GAB2: variants seen among roughly 807,000 people sequenced by gnomAD.
GAB2 encodes GRB2-associated-binding protein 2.
Under a neutral mutation model 65.5 loss-of-function variants are expected in GAB2, and 26 were observed. That is an observed-to-expected ratio of 0.40 (90% confidence interval 0.29 to 0.55). GAB2 has a LOEUF of 0.55. Ranked by LOEUF, GAB2 falls within the 20% of genes least tolerant of loss-of-function variation. GAB2 has a pLI of 0.53. For synonymous variants in GAB2, 321 were observed against 329.6 expected, an observed-to-expected ratio of 0.97 and a Z score of 0.28; for missense variants, 884 against 875.8, an observed-to-expected ratio of 1.01 and a Z score of -0.12.
At chr11:78,225,769 T>G (rs918009852) in intron 4 of GAB2, among the ~76,000 whole-genome samples, 3 of 152,208 alleles carry the variant, frequency 2.0e-5, no homozygotes, top group African/African-American at 7.2e-5. Context: ...TTAACTGTCA[T>G]TGGCCTCATG....
chr11:78,253,856 T>G (rs945162263), intron 2 of GAB2, among the ~76,000 whole-genome samples: 3 of 152,232 alleles, frequency 2.0e-5, no homozygotes, highest in Non-Finnish European at 4.4e-5. Context: ...TAACATTCAC[T>G]GACTCCTTAT....
chr11:78,386,872 T>C (rs1856774585), intron 1 of GAB2, among the ~76,000 whole-genome samples: 1 of 152,218 alleles, frequency 6.6e-6, no homozygotes, highest in Non-Finnish European at 1.5e-5. Context: ...GAAGAGACAA[T>C]GTGATGTCAA....
At chr11:78,375,678 G>A (rs1191736153) in intron 1 of GAB2, among the ~76,000 whole-genome samples, 1 of 152,072 alleles carries the variant, frequency 6.6e-6, no homozygotes, top group Non-Finnish European at 1.5e-5. Context: ...TAGAGAGGCA[G>A]AGAAAAGGCC....
intron 1 of GAB2, among the ~76,000 whole-genome samples, chr11:78,367,274 A>G (rs373008292): frequency 6.2e-4 from 95 of 152,366 alleles, no homozygotes; most frequent in East Asian, 2.3e-3. Flanking sequence ...GCAATGAACA[A>G]AACAGACAAA....
intron 1 of GAB2, among the ~76,000 whole-genome samples, chr11:78,298,584 C>T (rs931529163): frequency 6.6e-6 from 1 of 152,178 alleles, no homozygotes; most frequent in Non-Finnish European, 1.5e-5. Context: ...ACAGAGGACT[C>T]GAAATCCATT....
At chr11:78,310,172 G>A (rs992215218) in intron 1 of GAB2, among the ~76,000 whole-genome samples, 1 of 151,864 alleles carries the variant, frequency 6.6e-6, no homozygotes, top group Non-Finnish European at 1.5e-5. Context: ...GAGGGAGTGA[G>A]GGGTTGGGCA....
chr11:78,323,012 T>C (rs1460803666), intron 1 of GAB2, among the ~76,000 whole-genome samples: 1 of 146,956 alleles, frequency 6.8e-6, no homozygotes, highest in Non-Finnish European at 1.5e-5. Flanking sequence ...GAAAGACATA[T>C]GCACTCATAT....
chr11:78,348,207 G>A (rs1378371986), intron 1 of GAB2, among the ~76,000 whole-genome samples: 2 of 152,104 alleles, frequency 1.3e-5, no homozygotes, highest in Admixed American at 1.3e-4. Flanking sequence ...GGAGAGGCAA[G>A]CACACTCAGT....
At chr11:78,395,102 A>ACTGTATCT (rs2135070644) in intron 1 of GAB2, among the ~76,000 whole-genome samples, 1 of 152,314 alleles carries the variant, frequency 6.6e-6, no homozygotes, top group African/African-American at 2.4e-5. Context: ...TCAGAGAGAG[A>ACTGTATCT]CTGTATCTCC....
chr11:78,368,171 T>C lies in GAB2; in HGVS notation c.75+49475A>G, dbSNP rs117996598. 9.1e-4 allele frequency among the ~76,000 whole-genome samples: 138 copies of C among 152,308 alleles called. 1 individual carries two copies. In the East Asian group the frequency reaches 0.024, roughly 27 times the overall value. On this transcript the variant is annotated intron_variant, in intron 1 of 9. Coordinates refer to ENST00000361507, the MANE Select transcript of GAB2 (RefSeq NM_080491.3). ...CTTCTCACAGCACTTACTGGCCACA[T>C]CCATGAGTTGCCACATGCTGAGGTA...
At chr11:78,375,931 T>C (rs1182501445) in intron 1 of GAB2, among the ~76,000 whole-genome samples, 1 of 152,202 alleles carries the variant, frequency 6.6e-6, no homozygotes, top group Non-Finnish European at 1.5e-5. Flanking sequence ...ATACCACCCT[T>C]CTGCCAAATC....
intron 4 of GAB2, among the ~76,000 whole-genome samples, chr11:78,225,440 C>T (rs560694409): frequency 4.5e-4 from 68 of 152,312 alleles, no homozygotes; most frequent in Middle Eastern, 6.8e-3. Flanking sequence ...ACTACTCTAC[C>T]CTCATCTATG....
chr11:78,308,162 G>T (rs776540044), intron 1 of GAB2, among the ~76,000 whole-genome samples: 6 of 152,166 alleles, frequency 3.9e-5, no homozygotes, highest in Non-Finnish European at 8.8e-5. Flanking sequence ...AAAACAGGGA[G>T]AGAGAGTATA....
chr11:78,374,692 CATTAA>C (rs1288571663), intron 1 of GAB2, among the ~76,000 whole-genome samples: 3 of 152,100 alleles, frequency 2.0e-5, no homozygotes, highest in African/African-American at 4.8e-5. Context: ...AAATTATATA[CATTAA>C]ATTAAAATAC....
At chr11:78,327,438 A>G (rs1321261302) in intron 1 of GAB2, among the ~76,000 whole-genome samples, 2 of 152,214 alleles carry the variant, frequency 1.3e-5, no homozygotes, top group African/African-American at 2.4e-5. Context: ...GATGAACAAT[A>G]TTCCCAGAAA....
At chr11:78,254,411 G>A (rs1865539909) in intron 2 of GAB2, among the ~76,000 whole-genome samples, 1 of 152,166 alleles carries the variant, frequency 6.6e-6, no homozygotes, top group Admixed American at 6.5e-5. Flanking sequence ...ATGAAGTAGG[G>A]ATTAGGATGA....
At position 78,222,605 on chromosome 11, in the gene GAB2, C is replaced by T. The variant is rs185869992; in HGVS notation, c.1568-410G>A. Among the ~76,000 whole-genome samples, 595 of 150,976 alleles carry T rather than the reference C, an allele frequency of 3.9e-3. 3 individuals carry two copies. Among genetic ancestry groups the T allele is most frequent in the African/African-American group, 0.014 (556 of 41,164 alleles). On this transcript the variant is annotated intron_variant, in intron 6 of 9. Transcript: ENST00000361507. The stretch of plus-strand genomic sequence containing the variant: ...ACACACATATATGTATTTTTTAAGA[C>T]GGGGTCTCACTCTGTTGCTCAGGCT...
chr11:78,244,662 G>GTA (rs1590961442), intron 3 of GAB2, among the ~76,000 whole-genome samples: 1 of 14,090 alleles, frequency 7.1e-5, no homozygotes. Context: ...AACATTCATA[G>GTA]TAAAAAAAAA....
chr11:78,227,732 C>T lies in GAB2; in HGVS notation c.621-681G>A, dbSNP rs557887937. On this transcript the variant is annotated intron_variant, in intron 3 of 9. Coordinates refer to ENST00000361507, the MANE Select transcript of GAB2 (RefSeq NM_080491.3). ...GGAGGATCGCTTGAACCCAGAAGTT[C>T]GAAGTTAGAGTGAGCTATGATCGCA... 4.0e-5 allele frequency among the ~76,000 whole-genome samples: 6 copies of T among 151,566 alleles called. No homozygotes were observed. The East Asian group carries it at 5.9e-4, about 15-fold the overall frequency.
Sources: gnomAD v4.1 joint callset for allele counts (sites outside exome capture counted in the v4.1 genomes callset) on GRCh38, gnomAD v4.1.1 for gene constraint, MANE v1.5 for transcripts, NCBI Gene and HGNC (gene_info 2026-07-23, HGNC 2026-07-21) for gene names.